Variants in FBLN2 observed in about 807,000 individuals in gnomAD.
FBLN2 encodes fibulin 2.
A neutral mutation model predicts 123.7 loss-of-function variants in FBLN2; 81 were observed. The ratio of observed to expected loss-of-function variants is 0.65; its 90% CI spans 0.55 to 0.79. The LOEUF is 0.79. Ranked by LOEUF, FBLN2 falls within the 30% of genes least tolerant of loss-of-function variation. The pLI, the probability that FBLN2 is intolerant of heterozygous loss-of-function variation, is 0.00. For synonymous variants in FBLN2, 699 were observed against 701.4 expected, an observed-to-expected ratio of 1.00 and a Z score of 0.05; for missense variants, 1,603 against 1,681.3, an observed-to-expected ratio of 0.95 and a Z score of 0.81.
At chr3:13,596,527 T>G (rs531350994) in intron 2 of FBLN2, among the ~76,000 whole-genome samples, 2 of 152,322 alleles carry the variant, frequency 1.3e-5, no homozygotes, top group African/African-American at 2.4e-5. Flanking sequence ...GGGTCACAAA[T>G]TTTTTACACT....
At chr3:13,569,394 C>T (rs954223030) in intron 1 of FBLN2, among the ~76,000 whole-genome samples, 1 of 151,956 alleles carries the variant, frequency 6.6e-6, no homozygotes, top group Non-Finnish European at 1.5e-5. Flanking sequence ...ACTGGGTTCC[C>T]TGGGAAAGGG....
At chr3:13,587,661 A>G (rs1367431395) in intron 2 of FBLN2, among the ~76,000 whole-genome samples, 2 of 152,224 alleles carry the variant, frequency 1.3e-5, no homozygotes, top group African/African-American at 4.8e-5. Context: ...TATCTCTCAC[A>G]TTAACTTCAG....
intron 2 of FBLN2, among the ~76,000 whole-genome samples, chr3:13,592,636 T>C (rs757405799): frequency 2.0e-5 from 3 of 152,226 alleles, no homozygotes; most frequent in Non-Finnish European, 2.9e-5. Flanking sequence ...CCCCTATTTA[T>C]TCAGGTTGTT....
At chr3:13,621,543 C>T (rs1574991927) in intron 8 of FBLN2, among the ~76,000 whole-genome samples, 1 of 152,192 alleles carries the variant, frequency 6.6e-6, no homozygotes. Flanking sequence ...TGACCGTGGG[C>T]AGCCACCCAC....
Position 13,630,774 on chromosome 3 carries a change from G to A in FBLN2, c.3044G>A (p.Arg1015His), listed in dbSNP as rs201224373. The A allele has an allele frequency of 2.1e-4, 335 of 1,608,828 alleles. 1 individual carries two copies. The highest frequency in any genetic ancestry group is 2.6e-4 in the Non-Finnish European group (308 of 1,177,882). The change falls in exon 15 of 18, where the codon CGC becomes CAC. Residue 1015 changes from arginine (R) to histidine (H), a missense_variant. Coordinates refer to ENST00000404922, the MANE Select transcript of FBLN2 (RefSeq NM_001004019.2). Reference protein sequence around the residue: ...NIYGSYQCYCRQGYQLAEDGH... With the variant: ...NIYGSYQCYCHQGYQLAEDGH... ...TATGGCTCCTACCAGTGCTACTGCCGCCAGGGCTACCAGCTGGCTGAGGAT... is the reference window on the plus strand; with the variant it reads ...TATGGCTCCTACCAGTGCTACTGCCACCAGGGCTACCAGCTGGCTGAGGAT...
chr3:13,601,016 C>T (rs1052787041), intron 2 of FBLN2, among the ~76,000 whole-genome samples: 8 of 152,146 alleles, frequency 5.3e-5, no homozygotes, highest in African/African-American at 1.4e-4. Flanking sequence ...ACCTGACTAC[C>T]GTGCATTTTT....
At chr3:13,624,993 G>T (rs1465748339) in intron 9 of FBLN2, among the ~76,000 whole-genome samples, 1 of 151,650 alleles carries the variant, frequency 6.6e-6, no homozygotes, top group Non-Finnish European at 1.5e-5. Flanking sequence ...GTGGCCCGGG[G>T]GTGGTTTCTG....
intron 2 of FBLN2, among the ~76,000 whole-genome samples, chr3:13,594,059 TC>T (rs1347428395): frequency 6.6e-6 from 1 of 152,208 alleles, no homozygotes; most frequent in African/African-American, 2.4e-5. Context: ...GTGAACATTT[TC>T]CCAGTTCTTT....
intron 2 of FBLN2, among the ~76,000 whole-genome samples, chr3:13,605,682 C>T (rs79945387): frequency 0.014 from 2,073 of 152,272 alleles, 21 homozygotes; most frequent in Non-Finnish European, 0.021. Flanking sequence ...GGTTGTGTTA[C>T]GGGCTGTCGT....
chr3:13,567,557 C>CACGGG (rs1266464442), intron 1 of FBLN2, among the ~76,000 whole-genome samples: 1 of 152,164 alleles, frequency 6.6e-6, no homozygotes, highest in Admixed American at 6.5e-5. Context: ...AGGGTTTCAC[C>CACGGG]ACGTTGGCCA....
Position 13,570,718 on chromosome 3 carries a change from C to T in FBLN2, c.363C>T (p.Cys121=), listed in dbSNP as rs781594557. ...FMLCPELPPN[C]IEAVVVADSC... ...TGTGCCCGGAGCTGCCGCCCAACTG[C>T]ATCGAGGCTGTAGTGGTGGCTGACA... Residue 121 remains cysteine, a synonymous_variant, in exon 2 of 18, where the codon TGC becomes TGT. Coordinates refer to ENST00000404922, the MANE Select transcript of FBLN2 (RefSeq NM_001004019.2). 8 of 1,599,472 alleles carry T rather than the reference C, an allele frequency of 5.0e-6. No individual in the cohort carries two copies. The East Asian group carries it at 1.6e-4, about 32-fold the overall frequency.
Position 13,571,076 on chromosome 3 carries a change from A to C in FBLN2, c.721A>C (p.Thr241Pro), listed in dbSNP as rs934567086. 2 of 1,554,794 alleles carry C rather than the reference A, an allele frequency of 1.3e-6. No homozygotes were observed. Among genetic ancestry groups the C allele is most frequent in the African/African-American group, 2.7e-5 (2 of 73,196 alleles). Residue 241 changes from threonine (T) to proline (P), a missense_variant, in exon 2 of 18, where the codon ACC becomes CCC. Thr to Pro is a conservative substitution (Grantham distance 38). Transcript: ENST00000404922. Reference protein sequence around the residue: ...ALGGGSQPLSTIQAPPWPAVL... With the variant: ...ALGGGSQPLSPIQAPPWPAVL... ...GGGAGGTGGGAGTCAGCCACTGTCCACCATCCAGGCACCCCCCTGGCCAGC... is the reference window on the plus strand; with the variant it reads ...GGGAGGTGGGAGTCAGCCACTGTCCCCCATCCAGGCACCCCCCTGGCCAGC...
At chr3:13,617,845 C>T (rs1705688024) in intron 5 of FBLN2, among the ~76,000 whole-genome samples, 1 of 149,058 alleles carries the variant, frequency 6.7e-6, no homozygotes, top group Non-Finnish European at 1.5e-5. Context: ...TCTACCCATC[C>T]ATCTATACCC....
At chr3:13,614,948 C>T (rs1031579941) in intron 5 of FBLN2, among the ~76,000 whole-genome samples, 2 of 151,180 alleles carry the variant, frequency 1.3e-5, no homozygotes, top group African/African-American at 2.4e-5. Context: ...ATCCACCCAC[C>T]CATCCGTCTG....
chr3:13,618,588 C>A lies in FBLN2; in HGVS notation c.1939+303C>A, dbSNP rs1705717854. 1.3e-5 allele frequency among the ~76,000 whole-genome samples: 2 copies of A among 152,234 alleles called. 1 individual carries two copies. The highest frequency in any genetic ancestry group is 1.3e-4 in the Admixed American group (2 of 15,288). On this transcript the variant is annotated intron_variant, in intron 6 of 17. Coordinates refer to ENST00000404922, the MANE Select transcript of FBLN2 (RefSeq NM_001004019.2). ...CCAGCTATCTCCCCAGTGCTGGGCC[C>A]ATGGTGATCCTGAGGGATTTCCTCC...
chr3:13,616,666 C>A (rs1705617243), intron 5 of FBLN2, among the ~76,000 whole-genome samples: 1 of 152,202 alleles, frequency 6.6e-6, no homozygotes, highest in South Asian at 2.1e-4. Context: ...GGGAAGGAGG[C>A]CCTGGGCTGG....
intron 1 of FBLN2, among the ~76,000 whole-genome samples, chr3:13,562,419 C>T (rs1191934944): frequency 1.2e-4 from 18 of 146,318 alleles, no homozygotes; most frequent in African/African-American, 3.3e-4. Flanking sequence ...TGCAGTGGAG[C>T]GATCTTGGCT....
intron 2 of FBLN2, among the ~76,000 whole-genome samples, chr3:13,589,534 A>C (rs1437511631): frequency 6.6e-6 from 1 of 152,066 alleles, no homozygotes; most frequent in Non-Finnish European, 1.5e-5. Context: ...GGGCTATTTG[A>C]GGGGGAAGGG....
intron 1 of FBLN2, among the ~76,000 whole-genome samples, chr3:13,564,432 A>G (rs1226067792): frequency 6.6e-6 from 1 of 152,208 alleles, no homozygotes; most frequent in African/African-American, 2.4e-5. Flanking sequence ...ACTGGCGCCA[A>G]CCTGAGACTT....
Sources: gnomAD v4.1 joint callset for allele counts (sites outside exome capture counted in the v4.1 genomes callset) on GRCh38, gnomAD v4.1.1 for gene constraint, MANE v1.5 for transcripts, NCBI Gene and HGNC (gene_info 2026-07-23, HGNC 2026-07-21) for gene names.